SLC4A5: variants seen among roughly 807,000 people sequenced by gnomAD.
SLC4A5 encodes electrogenic sodium bicarbonate cotransporter 4.
In SLC4A5, 96 loss-of-function variants were observed where a neutral mutation model predicts 120.4. The observed-to-expected ratio is 0.80, with a 90% CI of 0.68 to 0.94. The LOEUF (loss-of-function observed/expected upper bound fraction) is 0.94, where lower values mean the gene tolerates loss of function less well. Among genes scored for constraint, SLC4A5 ranks in the 40% least tolerant of loss-of-function variants. The pLI, the probability that SLC4A5 is intolerant of heterozygous loss-of-function variation, is 0.00. For synonymous variants in SLC4A5, 550 were observed against 571.1 expected (o/e 0.96, Z 0.53); for missense variants, 1,259 against 1,459.5 (o/e 0.86, Z 2.24).
chr2:74,310,876 A>G (rs1049827552), intron 6 of SLC4A5, among the ~76,000 whole-genome samples: 14 of 150,782 alleles, frequency 9.3e-5, no homozygotes, highest in African/African-American at 3.4e-4. Context: ...GACAACTGAT[A>G]TCCTTTCTTC....
At chr2:74,224,169 CTCA>C (rs746272373) in intron 28 of SLC4A5, among the ~76,000 whole-genome samples, 1 of 152,098 alleles carries the variant, frequency 6.6e-6, no homozygotes, top group Non-Finnish European at 1.5e-5. Context: ...ATCTTTCTGC[CTCA>C]TGTTTTGTGA....
At chr2:74,318,141 A>G (rs192152709) in intron 5 of SLC4A5, among the ~76,000 whole-genome samples, 51 of 152,370 alleles carry the variant, frequency 3.3e-4, no homozygotes, top group African/African-American at 1.2e-3. Context: ...AATGAAAAAA[A>G]AATATTGCAC....
rs1670957000 is a variant in SLC4A5 at position 74,256,103 on chromosome 2, T to A, written c.868-171A>T. 2.0e-5 allele frequency among the ~76,000 whole-genome samples: 3 copies of A among 152,294 alleles called. No individual in the cohort carries two copies. In the South Asian group the frequency reaches 6.2e-4, roughly 32 times the overall value. On this transcript the variant is annotated intron_variant, in intron 12 of 30. Coordinates refer to ENST00000394019, the Ensembl canonical transcript of SLC4A5. ...CGATTCTGCAGATGGGGAGACTGAA[T>A]GTAGGTTAACCCCAGGCACCATTAA...
At chr2:74,308,964 G>C (rs991829315) in intron 6 of SLC4A5, among the ~76,000 whole-genome samples, 8 of 151,702 alleles carry the variant, frequency 5.3e-5, no homozygotes, top group Admixed American at 3.3e-4. Context: ...ATCCAGACTG[G>C]AGTGCAGTGG....
At chr2:74,308,320 T>A (rs1221408649) in intron 6 of SLC4A5, among the ~76,000 whole-genome samples, 2 of 152,208 alleles carry the variant, frequency 1.3e-5, no homozygotes, top group Non-Finnish European at 2.9e-5. Flanking sequence ...TCCAAAGTGG[T>A]TATATCGTTT....
chr2:74,331,505 A>T (rs1160719557), intron 4 of SLC4A5, among the ~76,000 whole-genome samples: 1 of 151,816 alleles, frequency 6.6e-6, no homozygotes, highest in Non-Finnish European at 1.5e-5. Context: ...TGTTGTTGCT[A>T]TTATGCTGAT....
chr2:74,219,206 TG>T (rs1694541820), intron 30 of SLC4A5, among the ~76,000 whole-genome samples: 1 of 118,030 alleles, frequency 8.5e-6, no homozygotes, highest in African/African-American at 5.1e-5. Context: ...TGTGTGTGTG[TG>T]TGTGTGTGTG....
chr2:74,252,253 G>A (rs369626271), exon 16 of SLC4A5: 143 of 1,605,704 alleles, frequency 8.9e-5, no homozygotes, highest in Admixed American at 1.2e-4. Context: ...TGCTTGTTCC[G>A]CCGGCCCCGC....
At chr2:74,327,458 C>T (rs1311591491) in intron 5 of SLC4A5, among the ~76,000 whole-genome samples, 1 of 152,234 alleles carries the variant, frequency 6.6e-6, no homozygotes, top group Non-Finnish European at 1.5e-5. Context: ...AAAGGCTACC[C>T]TCTCAACCCC....
chr2:74,269,473 T>TCC (rs1347509886), intron 8 of SLC4A5, among the ~76,000 whole-genome samples: 3 of 152,126 alleles, frequency 2.0e-5, no homozygotes, highest in Non-Finnish European at 2.9e-5. Context: ...CCTCAGGTGG[T>TCC]CCACCCACCT....
At chr2:74,300,844 T>C (rs1439270407) in intron 7 of SLC4A5, among the ~76,000 whole-genome samples, 1 of 152,234 alleles carries the variant, frequency 6.6e-6, no homozygotes, top group African/African-American at 2.4e-5. Context: ...AGGACAAGGA[T>C]GCCTGGGCTG....
intron 12 of SLC4A5, 86 bp from the exon 13 acceptor site, chr2:74,256,018 A>C (rs1183079644): frequency 3.4e-6 from 5 of 1,459,614 alleles, no homozygotes; most frequent in East Asian, 2.3e-5. Context: ...TTTGAGGCCT[A>C]ACTTGAAAAA....
Position 74,302,223 on chromosome 2 carries a change from T to C in SLC4A5, c.271+2266A>G, listed in dbSNP as rs544454131. Among the ~76,000 whole-genome samples, 23 of 152,294 alleles carry C rather than the reference T, an allele frequency of 1.5e-4. No individual in the cohort carries two copies. In the South Asian group the frequency reaches 3.1e-3, roughly 21 times the overall value. On this transcript the variant is annotated intron_variant, in intron 7 of 30. Transcript: ENST00000394019. Reference sequence around the variant, plus strand: ...TCCTCCTAGGCTCTCCCATTCTCCCTTTCCTACTCCACAGCCCTGTCGGGA... The same window carrying C: ...TCCTCCTAGGCTCTCCCATTCTCCCCTTCCTACTCCACAGCCCTGTCGGGA...
intron 30 of SLC4A5, among the ~76,000 whole-genome samples, chr2:74,219,917 TG>T: frequency 6.6e-6 from 1 of 152,168 alleles, no homozygotes; most frequent in Non-Finnish European, 1.5e-5. Context: ...TAGGGAGGGT[TG>T]AACTGGGGAA....
At chr2:74,262,368 T>G in intron 10 of SLC4A5, 136 bp from the exon 11 acceptor site, 1 of 548,114 alleles carries the variant, frequency 1.8e-6, no homozygotes, top group Non-Finnish European at 3.1e-6. Context: ...AAATTCTTTT[T>G]TTTTTTTTTT....
intron 7 of SLC4A5, among the ~76,000 whole-genome samples, chr2:74,296,158 C>T (rs1672317292): frequency 6.6e-6 from 1 of 151,980 alleles, no homozygotes; most frequent in Non-Finnish European, 1.5e-5. Flanking sequence ...AGGAGAACAG[C>T]CCTCTTGGCT....
chr2:74,313,837 C>T (rs1332643149), intron 6 of SLC4A5, among the ~76,000 whole-genome samples: 2 of 152,188 alleles, frequency 1.3e-5, no homozygotes, highest in Non-Finnish European at 2.9e-5. Flanking sequence ...ACCCTTGAGG[C>T]CAGGAATGGA....
intron 7 of SLC4A5, 133 bp downstream of exon 7, chr2:74,304,356 G>T (rs1430089673): frequency 1.1e-6 from 1 of 887,640 alleles, no homozygotes; most frequent in Non-Finnish European, 1.7e-6. Context: ...CAGAGCAGAG[G>T]GGGCCAGAGA....
At chr2:74,220,025 C>T (rs1223628374) in intron 30 of SLC4A5, among the ~76,000 whole-genome samples, 1 of 152,184 alleles carries the variant, frequency 6.6e-6, no homozygotes, top group African/African-American at 2.4e-5. Context: ...TGGATGAGTG[C>T]CCTCTGTGCC....
Sources: allele counts gnomAD v4.1 joint callset (sites outside exome capture counted in the v4.1 genomes callset), GRCh38; gene constraint gnomAD v4.1.1; transcripts MANE v1.5; gene names NCBI Gene and HGNC (gene_info 2026-07-23, HGNC 2026-07-21).